SURF2: variants seen among roughly 807,000 people sequenced by gnomAD.
The protein encoded by SURF2 is surfeit 2.
A neutral mutation model predicts 26.2 loss-of-function variants in SURF2; 32 were observed. That is an observed-to-expected ratio of 1.22 (90% CI 0.92 to 1.64). The LOEUF (loss-of-function observed/expected upper bound fraction) is 1.64, where lower values mean the gene tolerates loss of function less well. Ranked by LOEUF, SURF2 falls within the 40% of genes most tolerant of loss-of-function variation. The probability of loss-of-function intolerance (pLI) is 0.00; values close to 1 mark genes in which losing one functional copy is unlikely to be tolerated. For synonymous variants in SURF2, 173 were observed against 139.1 expected, an observed-to-expected ratio of 1.24 and a Z score of -1.71; for missense variants, 415 against 341.6, an observed-to-expected ratio of 1.21 and a Z score of -1.69.
intron 3 of SURF2, among the ~76,000 whole-genome samples, chr9:133,359,280 G>A (rs1461683998): frequency 6.6e-6 from 1 of 152,206 alleles, no homozygotes; most frequent in African/African-American, 2.4e-5. Context: ...CAGAGACAAG[G>A]AGGGAAACAG....
At chr9:133,359,578 G>A (rs994710076) in intron 3 of SURF2, among the ~76,000 whole-genome samples, 1 of 152,234 alleles carries the variant, frequency 6.6e-6, no homozygotes, top group Non-Finnish European at 1.5e-5. Flanking sequence ...AGGCTGCTGG[G>A]GAGAGGGTGG....
In SURF2 at chr9:133,360,073, C is replaced by T; in HGVS notation, c.461C>T (p.Thr154Ile). Residue 154 changes from threonine (T) to isoleucine (I), a missense_variant, in exon 4 of 6, where the codon ACA becomes ATA. By Grantham distance (89) the Thr-to-Ile change is moderately conservative. Transcript: ENST00000371964. ...PRPREAFWEP[T>I]SSDEGGAASD... ...CCGCGGGAAGCCTTCTGGGAGCCCACATCCAGTGATGAGGGGGGAGCTGCA... is the reference window on the plus strand; with the variant it reads ...CCGCGGGAAGCCTTCTGGGAGCCCATATCCAGTGATGAGGGGGGAGCTGCA... 1.2e-6 allele frequency: 2 copies of T among 1,613,994 alleles called. No homozygotes were observed. The highest frequency in any genetic ancestry group is 8.5e-7 in the Non-Finnish European group (1 of 1,179,930).
Position 133,357,795 on chromosome 9 carries a change from C to T in SURF2, c.318C>T (p.Tyr106=). The change falls in exon 3 of 6, where the codon TAC becomes TAT. Residue 106 remains tyrosine (Y), a synonymous_variant. Coordinates refer to ENST00000371964, the MANE Select transcript of SURF2 (RefSeq NM_017503.5). ...TGAGGCACACCCAGGGCCGGCGGTA[C>T]CAGCGAGCTCTGTGTAAATGTAAGT... ...HVLRHTQGRR[Y]QRALCKYEEC... 5.0e-6 allele frequency: 8 copies of T among 1,613,590 alleles called. No homozygotes were observed. The highest frequency in any genetic ancestry group is 6.8e-6 in the Non-Finnish European group (8 of 1,180,020).
chr9:133,356,649 G>A lies in SURF2; in HGVS notation c.57G>A (p.Arg19=). 1 of 1,526,830 alleles carries A rather than the reference G, an allele frequency of 6.5e-7. No homozygotes were observed. The highest frequency in any genetic ancestry group is 8.7e-7 in the Non-Finnish European group (1 of 1,143,646). 94.6% of individuals were successfully genotyped at this position (1,526,830 alleles called of 1,614,324 possible). The change falls in exon 1 of 6, where the codon CGG becomes CGA. Residue 19 remains arginine (R), a synonymous_variant. Transcript: ENST00000371964. ...TTCTGCGGGAGCACCCGAGCCTGCG[G>A]CTCCAGACGGACGCCCGCAAGGTTC... ...RAFLREHPSL[R]LQTDARKVRC...
rs1461031537 is a variant in SURF2 at position 133,361,158 on chromosome 9, A to G, written c.*19A>G. Reference sequence around the variant, plus strand: ...AGGTTAATAAAAGCACATGCCGTGAAGTTTCGAGAAAGCCTTCAGATATTT... The same window carrying G: ...AGGTTAATAAAAGCACATGCCGTGAGGTTTCGAGAAAGCCTTCAGATATTT... On this transcript the variant is annotated 3_prime_UTR_variant, in exon 6 of 6. Transcript: ENST00000371964. The G allele has an allele frequency of 1.9e-6, 3 of 1,613,314 alleles. No homozygotes were observed. The African/African-American group carries it at 4.0e-5, about 22-fold the overall frequency.
intron 4 of SURF2, 31 bp downstream of exon 4, chr9:133,360,160 C>G: frequency 1.3e-6 from 2 of 1,591,226 alleles, no homozygotes; most frequent in Non-Finnish European, 1.7e-6. Flanking sequence ...TTCTCCCTGA[C>G]CCTCTACTGT....
intron 1 of SURF2, 59 bp downstream of exon 1, chr9:133,356,729 T>C: frequency 7.2e-7 from 1 of 1,386,022 alleles, no homozygotes. Flanking sequence ...GATGAGGGGC[T>C]GAGGGGAGGG....
intron 3 of SURF2, among the ~76,000 whole-genome samples, chr9:133,359,224 C>G (rs1836685925): frequency 6.6e-6 from 1 of 152,162 alleles, no homozygotes; most frequent in Non-Finnish European, 1.5e-5. Context: ...TCTGCCTTCA[C>G]GTTCTGGTGG....
In SURF2 at chr9:133,360,414, C is replaced by T. The variant is rs1426549204; in HGVS notation, c.667C>T (p.Leu223=). The T allele has an allele frequency of 3.7e-6, 6 of 1,611,038 alleles. No homozygotes were observed. In the African/African-American group the frequency reaches 4.0e-5, roughly 11 times the overall value. ...GRRETTVYRG[L]VQKRGKKQLG... is the part of the protein sequence containing the mutation. ...GAGAGAGACGACCGTGTACCGAGGG[C>T]TGGTCCAGAAGCGCGGGAAGGTGAG... Residue 223 remains leucine, a synonymous_variant, in exon 5 of 6, where the codon CTG becomes TTG. Transcript: ENST00000371964.
At position 133,360,292 on chromosome 9, in the gene SURF2, G is replaced by A. The variant is rs2130049749; in HGVS notation, c.545G>A (p.Gly182Glu). ...PPELFTRKDL[G>E]STEDGDGTDD... ...GAGCTATTCACCAGAAAGGACCTTG[G>A]AAGCACGGAGGATGGGGATGGCACT... The change falls in exon 5 of 6, where the codon GGA (glycine) becomes GAA (glutamate). Residue 182 changes from glycine (G) to glutamate (E), a missense_variant. Coordinates refer to ENST00000371964, the MANE Select transcript of SURF2 (RefSeq NM_017503.5). 1.9e-6 allele frequency: 3 copies of A among 1,614,162 alleles called. No homozygotes were observed. The South Asian group carries it at 3.3e-5, about 18-fold the overall frequency.
At chr9:133,358,367 G>A (rs1836667524) in intron 3 of SURF2, among the ~76,000 whole-genome samples, 1 of 152,148 alleles carries the variant, frequency 6.6e-6, no homozygotes, top group Non-Finnish European at 1.5e-5. Flanking sequence ...GGTTGAGAAG[G>A]GAGGACTCCT....
chr9:133,358,313 G>A (rs1359490569), intron 3 of SURF2, among the ~76,000 whole-genome samples: 1 of 152,156 alleles, frequency 6.6e-6, no homozygotes, highest in Non-Finnish European at 1.5e-5. Flanking sequence ...ACTGCAGTGG[G>A]TGTGTGGAGA....
intron 2 of SURF2, 72 bp downstream of exon 2, chr9:133,357,140 CT>C: frequency 7.1e-7 from 1 of 1,417,298 alleles, no homozygotes; most frequent in Non-Finnish European, 9.3e-7. Context: ...TCCGCCAGTG[CT>C]GCAGCCCCTA....
rs2130056304 is a variant in SURF2 at position 133,361,023 on chromosome 9, G to A, written c.688-33G>A. The A allele has an allele frequency of 2.9e-5, 46 of 1,611,932 alleles. 1 individual carries two copies. In the African/African-American group the frequency reaches 5.1e-4, roughly 18 times the overall value. ...GGCCCCTTCTCCATGGGATCAGAAA[G>A]GCTCAGTAATCAGAATTTTGTTTAT... On this transcript the variant is annotated intron_variant, in intron 5 of 5. Coordinates refer to ENST00000371964, the MANE Select transcript of SURF2 (RefSeq NM_017503.5).
At chr9:133,359,635 C>G (rs1844262694) in intron 3 of SURF2, among the ~76,000 whole-genome samples, 2 of 152,270 alleles carry the variant, frequency 1.3e-5, no homozygotes, top group Admixed American at 1.3e-4. Context: ...GCCAAGCTCA[C>G]TGGGGCACAG....
Position 133,361,074 on chromosome 9 carries a change from A to T in SURF2, c.706A>T (p.Lys236Ter), listed in dbSNP as rs1479198119. The T allele has an allele frequency of 6.2e-7, 1 of 1,614,140 alleles. No homozygotes were observed. Among genetic ancestry groups the T allele is most frequent in the East Asian group, 2.2e-5 (1 of 44,888 alleles). ...CCCACAGAAGCAGTTGGGCTCGTTG[A>T]AAAAGAAGTTCAAGAGTCATCACCG... ...KRGKKQLGSL[K>*]KKFKSHHRKP... The change falls in exon 6 of 6, where the codon AAA becomes TAA. Residue 236 changes from lysine to a stop codon, truncating the protein, a stop_gained. Coordinates refer to ENST00000371964, the MANE Select transcript of SURF2 (RefSeq NM_017503.5). LOFTEE classifies it high-confidence loss of function.
chr9:133,357,486 A>G (rs1222674266), intron 2 of SURF2, among the ~76,000 whole-genome samples: 2 of 152,138 alleles, frequency 1.3e-5, no homozygotes, highest in African/African-American at 4.8e-5. Flanking sequence ...TGGAGCAGTC[A>G]GTGAGGCTGC....
At chr9:133,356,888 C>T (rs1391396762) in intron 1 of SURF2, 26 bp from the exon 2 acceptor site, 2 of 1,531,638 alleles carry the variant, frequency 1.3e-6, no homozygotes, top group Non-Finnish European at 8.8e-7. Context: ...GCCCTCCTGA[C>T]GTCCTGCCCG....
Position 133,360,014 on chromosome 9 carries a change from G to A in SURF2, c.402G>A (p.Arg134=), listed in dbSNP as rs200162438. The A allele has an allele frequency of 6.2e-7, 1 of 1,614,008 alleles. No individual in the cohort carries two copies. The highest frequency in any genetic ancestry group is 1.7e-5 in the Admixed American group (1 of 59,998). Residue 134 remains arginine, a synonymous_variant, in exon 4 of 6, where the codon AGG becomes AGA. Transcript: ENST00000371964. ...VPACLVHRRR[R]REDQMDGDGP... is the part of the protein sequence containing the mutation. ...CCTGCCTGGTGCACCGGAGGAGGAG[G>A]AGGGAGGACCAGATGGACGGTGACG...
Sources: gnomAD v4.1 joint callset for allele counts (sites outside exome capture counted in the v4.1 genomes callset) on GRCh38, gnomAD v4.1.1 for gene constraint, MANE v1.5 for transcripts, NCBI Gene and HGNC (gene_info 2026-07-23, HGNC 2026-07-21) for gene names.